SCAPER: variants seen among roughly 807,000 people sequenced by gnomAD.
SCAPER encodes S-phase cyclin A associated protein in the ER, also known as S phase cyclin A-associated protein in the endoplasmic reticulum.
A neutral mutation model predicts 182.2 loss-of-function variants in SCAPER; 98 were observed. The ratio of observed to expected loss-of-function variants is 0.54; its 90% CI spans 0.46 to 0.64. The LOEUF is 0.64. Ranked by LOEUF, SCAPER falls within the 30% of genes least tolerant of loss-of-function variation. The pLI is 0.00. For missense variants in SCAPER, 1,432 were observed against 1,690.0 expected (o/e 0.85, Z 2.68); for synonymous variants, 605 against 564.6 (o/e 1.07, Z -1.01).
At chr15:76,480,737 C>CT (rs919182678) in intron 24 of SCAPER, among the ~76,000 whole-genome samples, 124 of 147,920 alleles carry the variant, frequency 8.4e-4, no homozygotes, top group Non-Finnish European at 1.2e-3. Flanking sequence ...CACTATTCTA[C>CT]TTTTTTTTTT....
chr15:76,535,552 T>C (rs1313091129), intron 23 of SCAPER, among the ~76,000 whole-genome samples: 4 of 127,808 alleles, frequency 3.1e-5, no homozygotes, highest in Non-Finnish European at 6.8e-5. Context: ...AAAAAAGAAA[T>C]TCTAATTTTA....
intron 25 of SCAPER, among the ~76,000 whole-genome samples, chr15:76,435,421 C>A (rs895802963): frequency 6.6e-6 from 1 of 151,974 alleles, no homozygotes; most frequent in African/African-American, 2.4e-5. Context: ...TCTTTTTTGT[C>A]AAAATGAAAT....
chr15:76,796,779 A>G (rs770143682), intron 7 of SCAPER, among the ~76,000 whole-genome samples: 7 of 152,248 alleles, frequency 4.6e-5, no homozygotes, highest in Non-Finnish European at 8.8e-5. Flanking sequence ...GTGCTTGAAT[A>G]TATAAATATT....
chr15:76,580,174 C>G (rs2048163615), intron 22 of SCAPER, among the ~76,000 whole-genome samples: 1 of 152,004 alleles, frequency 6.6e-6, no homozygotes, highest in Non-Finnish European at 1.5e-5. Flanking sequence ...CTAAATGAAC[C>G]TACTAGATAT....
intron 25 of SCAPER, among the ~76,000 whole-genome samples, chr15:76,465,865 A>G (rs897513267): frequency 1.3e-5 from 2 of 152,128 alleles, no homozygotes; most frequent in Admixed American, 6.6e-5. Flanking sequence ...CTTGTCAAAG[A>G]TCAGTTAATT....
chr15:76,705,767 T>C (rs2147324801), intron 18 of SCAPER, 136 bp downstream of exon 18: 1 of 604,022 alleles, frequency 1.7e-6, no homozygotes, highest in Non-Finnish European at 2.7e-6. Flanking sequence ...TAGAAATGAT[T>C]GTAGCAAAAT....
At chr15:76,860,970 C>T (rs1206117584) in intron 3 of SCAPER, among the ~76,000 whole-genome samples, 1 of 152,090 alleles carries the variant, frequency 6.6e-6, no homozygotes, top group African/African-American at 2.4e-5. Context: ...AATAGAGTAA[C>T]TGTACCCCAT....
chr15:76,765,994 TAA>T (rs1284902609), intron 11 of SCAPER, among the ~76,000 whole-genome samples: 1 of 152,226 alleles, frequency 6.6e-6, no homozygotes, highest in Non-Finnish European at 1.5e-5. Context: ...GTAAAACATT[TAA>T]AGTTATTTTA....
At chr15:76,549,371 T>C (rs1267814984) in intron 23 of SCAPER, among the ~76,000 whole-genome samples, 1 of 152,114 alleles carries the variant, frequency 6.6e-6, no homozygotes, top group African/African-American at 2.4e-5. Context: ...TGTCCAACAA[T>C]GATAGACCTG....
chr15:76,611,270 T>TA (rs921966531), intron 22 of SCAPER, among the ~76,000 whole-genome samples: 2 of 150,168 alleles, frequency 1.3e-5, no homozygotes, highest in East Asian at 2.0e-4. Flanking sequence ...TCAAAACAGA[T>TA]AAAAAATGTA....
intron 23 of SCAPER, among the ~76,000 whole-genome samples, chr15:76,515,132 A>T (rs1027871977): frequency 6.6e-6 from 1 of 152,218 alleles, no homozygotes; most frequent in Admixed American, 6.5e-5. Flanking sequence ...AGTGGGGCTG[A>T]GAGGCTAGAA....
intron 5 of SCAPER, among the ~76,000 whole-genome samples, chr15:76,838,687 T>C (rs1448120164): frequency 6.6e-6 from 1 of 152,130 alleles, no homozygotes; most frequent in African/African-American, 2.4e-5. Context: ...GAGACACACA[T>C]CTAGTTCCCT....
chr15:76,782,393 G>C (rs1419104970), intron 8 of SCAPER, among the ~76,000 whole-genome samples: 1 of 152,134 alleles, frequency 6.6e-6, no homozygotes. Flanking sequence ...AGTCTTTAGA[G>C]ACCTACAAAG....
chr15:76,412,464 T>C (rs2045360349), intron 26 of SCAPER, among the ~76,000 whole-genome samples: 1 of 152,138 alleles, frequency 6.6e-6, no homozygotes, highest in Non-Finnish European at 1.5e-5. Flanking sequence ...TAGTTTCCAC[T>C]CAATATTGCT....
chr15:76,781,277 G>A (rs908355623), intron 8 of SCAPER, among the ~76,000 whole-genome samples: 2 of 152,200 alleles, frequency 1.3e-5, no homozygotes, highest in African/African-American at 4.8e-5. Flanking sequence ...TCAAGTGGAA[G>A]AAAGGATATC....
intron 2 of SCAPER, among the ~76,000 whole-genome samples, chr15:76,867,204 A>G (rs1192274244): frequency 2.0e-5 from 3 of 152,210 alleles, no homozygotes; most frequent in Non-Finnish European, 4.4e-5. Context: ...CTGTCTCCAT[A>G]AAACTTTCTA....
At chr15:76,754,758 T>C (rs1056741880) in intron 14 of SCAPER, among the ~76,000 whole-genome samples, 1 of 152,106 alleles carries the variant, frequency 6.6e-6, no homozygotes, top group African/African-American at 2.4e-5. Flanking sequence ...GATACAAAAA[T>C]AGCACTATAC....
intron 20 of SCAPER, among the ~76,000 whole-genome samples, chr15:76,670,526 T>C (rs900053345): frequency 6.6e-6 from 1 of 152,196 alleles, no homozygotes; most frequent in Non-Finnish European, 1.5e-5. Context: ...AATTATTCCT[T>C]TATGATCAAA....
At chr15:76,570,355 CA>C (rs368936298) in intron 23 of SCAPER, among the ~76,000 whole-genome samples, 38 of 152,142 alleles carry the variant, frequency 2.5e-4, no homozygotes, top group African/African-American at 9.2e-4. Context: ...CAAACAGTCT[CA>C]AAAGTACTAA....
Sources: gnomAD v4.1 joint callset for allele counts (sites outside exome capture counted in the v4.1 genomes callset) on GRCh38, gnomAD v4.1.1 for gene constraint, MANE v1.5 for transcripts, NCBI Gene and HGNC (gene_info 2026-07-23, HGNC 2026-07-21) for gene names.